Variants in ANKS1B observed in about 807,000 individuals in gnomAD.
ANKS1B encodes ankyrin repeat and sterile alpha motif domain containing 1B.
Under a neutral mutation model 148.3 loss-of-function variants are expected in ANKS1B, and 36 were observed. The ratio of observed to expected loss-of-function variants is 0.24; its 90% CI spans 0.19 to 0.32. The LOEUF (loss-of-function observed/expected upper bound fraction) is 0.32, where lower values mean the gene tolerates loss of function less well. ANKS1B is among the 10% of genes least tolerant of loss of function. The pLI is 1.00. For missense variants in ANKS1B, 1,157 were observed against 1,542.6 expected, an observed-to-expected ratio of 0.75 and a Z score of 4.19; for synonymous variants, 542 against 560.8, an observed-to-expected ratio of 0.97 and a Z score of 0.47.
At chr12:99,561,670 T>C (rs1597123662) in intron 9 of ANKS1B, among the ~76,000 whole-genome samples, 1 of 152,286 alleles carries the variant, frequency 6.6e-6, no homozygotes, top group Non-Finnish European at 1.5e-5. Context: ...ATCATGATAT[T>C]GCAGCCAATC....
intron 4 of ANKS1B, among the ~76,000 whole-genome samples, chr12:99,799,465 A>AT (rs2066669164): frequency 6.6e-6 from 1 of 152,048 alleles, no homozygotes; most frequent in Non-Finnish European, 1.5e-5. Flanking sequence ...GCAATTTATC[A>AT]TTTTTATGTT....
At chr12:99,560,933 G>A (rs1396845347) in intron 9 of ANKS1B, among the ~76,000 whole-genome samples, 1 of 134,038 alleles carries the variant, frequency 7.5e-6, no homozygotes. Context: ...TGCAAGCTCC[G>A]CCTCCTGGGT....
At chr12:99,779,842 A>G in intron 6 of ANKS1B, 29 bp downstream of exon 6, 1 of 1,533,826 alleles carries the variant, frequency 6.5e-7, no homozygotes, top group Non-Finnish European at 9.0e-7. Context: ...ACTTTAAGGC[A>G]AACTCATCCA....
intron 17 of ANKS1B, among the ~76,000 whole-genome samples, chr12:98,849,959 C>T (rs967683703): frequency 1.6e-4 from 25 of 152,060 alleles, no homozygotes; most frequent in Admixed American, 1.6e-3. Context: ...GGACTGACTG[C>T]CAAGCAATTT....
intron 10 of ANKS1B, among the ~76,000 whole-genome samples, chr12:99,497,756 G>A (rs1249244158): frequency 6.7e-6 from 1 of 149,530 alleles, no homozygotes; most frequent in East Asian, 2.0e-4. Context: ...TCTTTTCGGG[G>A]GCATAATATG....
At chr12:98,971,938 C>A (rs1198949382) in intron 17 of ANKS1B, among the ~76,000 whole-genome samples, 2 of 152,100 alleles carry the variant, frequency 1.3e-5, no homozygotes, top group African/African-American at 4.8e-5. Flanking sequence ...GAGGCTGAGG[C>A]AGGTGGATCA....
chr12:99,509,463 T>C (rs904473328), intron 9 of ANKS1B, among the ~76,000 whole-genome samples: 3 of 152,048 alleles, frequency 2.0e-5, no homozygotes, highest in South Asian at 4.1e-4. Flanking sequence ...ATTGCTGATA[T>C]GGAGAAAGTT....
chr12:98,751,272 C>A lies in ANKS1B; in HGVS notation c.3747+83G>T. ...GAAGAGGCCCTGGGTTCTAATGGCA[C>A]CCACACCACACAAGGGCCTGGTTAG... On this transcript the variant is annotated intron_variant, in intron 26 of 26. Coordinates refer to ENST00000683438, the MANE Select transcript of ANKS1B (RefSeq NM_001352186.2). This position sits in a 1 kb window ranked among gnomAD's most constrained non-coding sequence, Gnocchi z 4.3. 1 of 1,425,698 alleles carries A rather than the reference C, an allele frequency of 7.0e-7. No individual in the cohort carries two copies. The highest frequency in any genetic ancestry group is 1.4e-5 in the South Asian group (1 of 73,320). 88.3% of individuals were successfully genotyped at this position (1,425,698 alleles called of 1,614,324 possible).
chr12:98,821,499 G>GTC (rs144073396), intron 19 of ANKS1B, among the ~76,000 whole-genome samples: 3 of 144,684 alleles, frequency 2.1e-5, no homozygotes, highest in Non-Finnish European at 3.1e-5. Context: ...CTGTCTGTCT[G>GTC]TCTCTCTCTC....
intron 17 of ANKS1B, chr12:98,894,798 G>A (rs1173880358): frequency 3.0e-6 from 3 of 984,580 alleles, no homozygotes; most frequent in East Asian, 2.3e-4. Context: ...CGAGCGCGCC[G>A]AGGAAGGGCG....
chr12:99,236,935 G>A (rs2088087834), intron 14 of ANKS1B, among the ~76,000 whole-genome samples: 1 of 152,052 alleles, frequency 6.6e-6, no homozygotes, highest in Admixed American at 6.6e-5. Context: ...AACAACACAC[G>A]CTGATATCTT....
At chr12:99,697,288 T>C (rs2054078284) in intron 8 of ANKS1B, among the ~76,000 whole-genome samples, 1 of 152,152 alleles carries the variant, frequency 6.6e-6, no homozygotes, top group South Asian at 2.1e-4. Flanking sequence ...CACAGGAATG[T>C]TTATAGCAGC....
At chr12:98,975,643 G>T (rs1445286067) in intron 17 of ANKS1B, among the ~76,000 whole-genome samples, 1 of 152,160 alleles carries the variant, frequency 6.6e-6, no homozygotes, top group East Asian at 1.9e-4. Flanking sequence ...GAGCATTTTT[G>T]TTTGGTTTTT....
intron 19 of ANKS1B, among the ~76,000 whole-genome samples, chr12:98,827,322 G>A (rs763293323): frequency 1.8e-4 from 27 of 152,322 alleles, no homozygotes; most frequent in Non-Finnish European, 3.2e-4. Context: ...TGGAGCCTGT[G>A]TGTCTAGCAG....
rs200173533 is a variant in ANKS1B, at chr12:99,540,858, G to GA, written c.1273-36218dup. ...TCAAAGAAATGTAAGTTGGTTCTTT[G>GA]AAAAAAAATACAATTGACAAAATTT... On this transcript the variant is annotated intron_variant, in intron 9 of 26. Coordinates refer to ENST00000683438, the MANE Select transcript of ANKS1B (RefSeq NM_001352186.2). 5.5e-4 allele frequency among the ~76,000 whole-genome samples: 83 copies of GA among 149,970 alleles called. 1 individual carries two copies. Among genetic ancestry groups the GA allele is most frequent in the Admixed American group, 1.6e-3 (24 of 15,082 alleles).
chr12:99,006,940 C>T (rs983852395), intron 17 of ANKS1B, among the ~76,000 whole-genome samples: 21 of 152,132 alleles, frequency 1.4e-4, no homozygotes, highest in African/African-American at 4.1e-4. Context: ...AAGCTAACCC[C>T]GGAGCCTACA....
intron 12 of ANKS1B, among the ~76,000 whole-genome samples, chr12:99,258,329 A>C (rs2075525574): frequency 6.6e-6 from 1 of 152,126 alleles, no homozygotes; most frequent in Non-Finnish European, 1.5e-5. Context: ...AATCCTTTTA[A>C]AATAAGATCC....
chr12:99,808,764 G>A (rs1275274332), intron 3 of ANKS1B, among the ~76,000 whole-genome samples: 1 of 151,964 alleles, frequency 6.6e-6, no homozygotes, highest in African/African-American at 2.4e-5. Context: ...TCAAAATACA[G>A]TATCTCTTTG....
chr12:99,911,640 T>G (rs1372046437), intron 1 of ANKS1B, among the ~76,000 whole-genome samples: 1 of 152,200 alleles, frequency 6.6e-6, no homozygotes. Context: ...ATTTATTAAC[T>G]TTTTACTATA....
Sources: allele counts gnomAD v4.1 joint callset (sites outside exome capture counted in the v4.1 genomes callset), GRCh38; gene constraint gnomAD v4.1.1; non-coding constraint Gnocchi (gnomAD v3.1); transcripts MANE v1.5; gene names NCBI Gene and HGNC (gene_info 2026-07-23, HGNC 2026-07-21).